The following CEP57L1 variants were observed in gnomAD, a reference collection of about 807,000 sequenced individuals.
CEP57L1 encodes the protein centrosomal protein CEP57L1.
A neutral mutation model predicts 61.0 loss-of-function variants in CEP57L1; 37 were observed. That is an observed-to-expected ratio of 0.61 (90% CI 0.47 to 0.80). The LOEUF is 0.80. Among genes scored for constraint, CEP57L1 ranks in the 30% least tolerant of loss-of-function variants. CEP57L1 has a pLI of 0.00. For missense variants in CEP57L1, 422 were observed against 524.7 expected (o/e 0.80, Z 1.91); for synonymous variants, 137 against 162.3 (o/e 0.84, Z 1.19).
At chr6:109,112,505 A>G (rs912516677) in intron 1 of CEP57L1, among the ~76,000 whole-genome samples, 13 of 150,782 alleles carry the variant, frequency 8.6e-5, no homozygotes, top group African/African-American at 2.9e-4. Flanking sequence ...TTGTGTCTCT[A>G]TCTCCTTCAG....
chr6:109,112,873 G>A (rs1771825261), intron 1 of CEP57L1, among the ~76,000 whole-genome samples: 1 of 152,210 alleles, frequency 6.6e-6, no homozygotes, highest in Admixed American at 6.5e-5. Context: ...TGGTCTGAGA[G>A]ACTGTTTGTT....
rs930217774 is a variant in CEP57L1 at position 109,169,810 on chromosome 6, G to A, written c.*6840G>A. Among the ~76,000 whole-genome samples, 3 of 152,176 alleles carry A rather than the reference G, an allele frequency of 2.0e-5. No individual in the cohort carries two copies. Among genetic ancestry groups the A allele is most frequent in the Admixed American group, 6.5e-5 (1 of 15,270 alleles). On this transcript the variant is annotated 3_prime_UTR_variant, in exon 11 of 11. Transcript: ENST00000517392. ...TCTGCATGTCTCCAATCTGAAGAGA[G>A]CAAAGATCTGTTATTTGACAAACCC... is the stretch of plus-strand genomic sequence containing the variant.
chr6:109,135,253 A>C (rs1774719489), intron 1 of CEP57L1, among the ~76,000 whole-genome samples: 1 of 152,188 alleles, frequency 6.6e-6, no homozygotes, highest in South Asian at 2.1e-4. Context: ...CGTCAGAAAT[A>C]ATGCCACACA....
At chr6:109,157,523 G>A (rs1172824507) in intron 7 of CEP57L1, 2 of 152,180 alleles carry the variant, frequency 1.3e-5, no homozygotes, top group African/African-American at 4.8e-5. Context: ...TAATTCAAGA[G>A]CAATATTAAA....
chr6:109,097,538 G>A lies in CEP57L1; in HGVS notation c.-4+1963G>A, dbSNP rs147644817. ...TTCTCATATTCCATTTCACCCACGC[G>A]TTTACTCAACAAATCTCTGTTGAGT... On this transcript the variant is annotated intron_variant, in intron 1 of 10. Coordinates refer to ENST00000517392, the MANE Select transcript of CEP57L1 (RefSeq NM_001271852.3). Among the ~76,000 whole-genome samples the A allele has an allele frequency of 2.5e-3, 384 of 152,138 alleles. 2 individuals are homozygous for A. The highest frequency in any genetic ancestry group is 7.7e-3 in the African/African-American group (318 of 41,494).
In CEP57L1 at chr6:109,165,333, A is replaced by C. The variant is rs888047752; in HGVS notation, c.*2363A>C. On this transcript the variant is annotated 3_prime_UTR_variant, in exon 11 of 11. Coordinates refer to ENST00000517392, the MANE Select transcript of CEP57L1 (RefSeq NM_001271852.3). Reference sequence around the variant, plus strand: ...CTATACTAATTTGTTGTGAGGAGTTAATGAAATAACATGGGAAAGCACCCA... The same window carrying C: ...CTATACTAATTTGTTGTGAGGAGTTCATGAAATAACATGGGAAAGCACCCA... Among the ~76,000 whole-genome samples, 1 of 152,002 alleles carries C rather than the reference A, an allele frequency of 6.6e-6. No individual in the cohort carries two copies. Among genetic ancestry groups the C allele is most frequent in the African/African-American group, 2.4e-5 (1 of 41,366 alleles).
In CEP57L1 at chr6:109,127,049, T is replaced by G. The variant is rs182450962; in HGVS notation, c.-3-18170T>G. Among the ~76,000 whole-genome samples, 1,091 of 152,110 alleles carry G rather than the reference T, an allele frequency of 7.2e-3. 11 individuals carry two copies. The highest frequency in any genetic ancestry group is 0.025 in the African/African-American group (1,024 of 41,512). ...GGCACGGTGGCGCACGCCTGTAGTC[T>G]CAGTTACTTGGGAGGCTGGGGCAAG... On this transcript the variant is annotated intron_variant, in intron 1 of 10. Coordinates refer to ENST00000517392, the MANE Select transcript of CEP57L1 (RefSeq NM_001271852.3).
chr6:109,112,307 A>G (rs146039505), intron 1 of CEP57L1, among the ~76,000 whole-genome samples: 20,682 of 151,838 alleles, frequency 0.14, 1,681 homozygotes, highest in African/African-American at 0.22. Flanking sequence ...TAGTTTATTT[A>G]CGTAGAGGTG....
intron 7 of CEP57L1, chr6:109,158,674 G>A (rs1313593191): frequency 6.3e-6 from 3 of 474,576 alleles, no homozygotes; most frequent in Non-Finnish European, 1.2e-5. Flanking sequence ...CTGCCAAACT[G>A]TCTTCCAAAA....
In CEP57L1 at chr6:109,160,567, C is replaced by T. The variant is rs185861636; in HGVS notation, c.1017-5C>T. Reference sequence around the variant, plus strand: ...TACTGCTTAATATTTGCTATTCTTTCATAGGGAGCACCAAGAACTACTGAA... The same window carrying T: ...TACTGCTTAATATTTGCTATTCTTTTATAGGGAGCACCAAGAACTACTGAA... On this transcript the variant is annotated splice_polypyrimidine_tract_variant and splice_region_variant and intron_variant, in intron 9 of 10. Coordinates refer to ENST00000517392, the MANE Select transcript of CEP57L1 (RefSeq NM_001271852.3). 45 of 1,594,896 alleles carry T rather than the reference C, an allele frequency of 2.8e-5. No individual in the cohort carries two copies. The East Asian group carries it at 1.0e-3, about 36-fold the overall frequency.
rs1435935055 is a variant in CEP57L1, at chr6:109,171,681, C to T, written c.*8711C>T. Among the ~76,000 whole-genome samples, 1 of 152,116 alleles carries T rather than the reference C, an allele frequency of 6.6e-6. No homozygotes were observed. Among genetic ancestry groups the T allele is most frequent in the Non-Finnish European group, 1.5e-5 (1 of 68,024 alleles). On this transcript the variant is annotated 3_prime_UTR_variant, in exon 11 of 11. Transcript: ENST00000517392. Reference sequence around the variant, plus strand: ...TGCAAAGAAGTCTTGCAAGGGAGTACAAGCTTTAGGAGGACAGGCTTATCA... The same window carrying T: ...TGCAAAGAAGTCTTGCAAGGGAGTATAAGCTTTAGGAGGACAGGCTTATCA...
At chr6:109,151,873 TA>T (rs1372368677) in intron 4 of CEP57L1, among the ~76,000 whole-genome samples, 1 of 152,216 alleles carries the variant, frequency 6.6e-6, no homozygotes, top group African/African-American at 2.4e-5. Context: ...TTCTTCTCTG[TA>T]TTCCTCTATG....
chr6:109,117,662 T>G (rs1411959279), intron 1 of CEP57L1, among the ~76,000 whole-genome samples: 1 of 152,180 alleles, frequency 6.6e-6, no homozygotes, highest in African/African-American at 2.4e-5. Context: ...TGATAGATGC[T>G]TAGCAAACAG....
In CEP57L1 at chr6:109,162,731, AT is replaced by A. The variant is rs757476618; in HGVS notation, c.1162-9del. 73 of 1,511,618 alleles carry A rather than the reference AT, an allele frequency of 4.8e-5. No individual in the cohort carries two copies. Among genetic ancestry groups the A allele is most frequent in the Non-Finnish European group, 5.4e-5 (60 of 1,105,766 alleles). 93.6% of individuals were successfully genotyped at this position (1,511,618 alleles called of 1,614,324 possible). A position where few individuals can be genotyped will look rare whatever the true frequency, so the allele number is the denominator to read the frequency against. ...AGTATATTTTTGACTAAAATGTTAG[AT>A]TTTTTTTTCTCTCCAGGTCTGTAAA... On this transcript the variant is annotated splice_polypyrimidine_tract_variant and intron_variant, in intron 10 of 10. Transcript: ENST00000517392.
At chr6:109,137,910 A>T (rs1770919322) in intron 1 of CEP57L1, among the ~76,000 whole-genome samples, 1 of 152,232 alleles carries the variant, frequency 6.6e-6, no homozygotes, top group Non-Finnish European at 1.5e-5. Context: ...TTTATAAAGA[A>T]TGGTCAGCAG....
rs762994313 is a variant in CEP57L1, at chr6:109,167,219, G to A, written c.*4249G>A. On this transcript the variant is annotated 3_prime_UTR_variant, in exon 11 of 11. Transcript: ENST00000517392. ...AATTCGTTTTTGTTTTTTTTTTCCT[G>A]TAAGGAGAATTAGACATAGAAAAAT... 2.7e-5 allele frequency among the ~76,000 whole-genome samples: 4 copies of A among 148,022 alleles called. No individual in the cohort carries two copies. Among genetic ancestry groups the A allele is most frequent in the Non-Finnish European group, 5.9e-5 (4 of 67,378 alleles).
At chr6:109,101,261 A>G (rs1484694704) in intron 1 of CEP57L1, among the ~76,000 whole-genome samples, 1 of 152,244 alleles carries the variant, frequency 6.6e-6, no homozygotes, top group African/African-American at 2.4e-5. Flanking sequence ...GGTTTTGCTA[A>G]CTTTGGTCAT....
At chr6:109,126,887 G>T (rs1020401024) in intron 1 of CEP57L1, among the ~76,000 whole-genome samples, 7 of 152,080 alleles carry the variant, frequency 4.6e-5, no homozygotes, top group Non-Finnish European at 1.0e-4. Context: ...CTGGCTGTTG[G>T]CCAGGCACGG....
At chr6:109,118,193 C>T (rs988790517) in intron 1 of CEP57L1, among the ~76,000 whole-genome samples, 1 of 152,104 alleles carries the variant, frequency 6.6e-6, no homozygotes, top group African/African-American at 2.4e-5. Flanking sequence ...CCACCACCAA[C>T]TCCAGCTAAT....
Sources: gnomAD v4.1 joint callset for allele counts (sites outside exome capture counted in the v4.1 genomes callset) on GRCh38, gnomAD v4.1.1 for gene constraint, MANE v1.5 for transcripts, NCBI Gene and HGNC (gene_info 2026-07-23, HGNC 2026-07-21) for gene names.